XKR9: variants seen among roughly 807,000 people sequenced by gnomAD.
XKR9 encodes the protein XK-related protein 9.
Under a neutral mutation model 32.0 loss-of-function variants are expected in XKR9, and 32 were observed. The ratio of observed to expected loss-of-function variants is 1.00; its 90% CI spans 0.76 to 1.34. The LOEUF (loss-of-function observed/expected upper bound fraction) is 1.34, where lower values mean the gene tolerates loss of function less well. Among genes scored for constraint, XKR9 ranks in the 40% most tolerant of loss-of-function variants. The probability of loss-of-function intolerance (pLI) is 0.00; values close to 1 mark genes in which losing one functional copy is unlikely to be tolerated. For synonymous variants in XKR9, 168 were observed against 143.4 expected, an observed-to-expected ratio of 1.17 and a Z score of -1.22; for missense variants, 546 against 429.7, an observed-to-expected ratio of 1.27 and a Z score of -2.39.
intron 2 of XKR9, among the ~76,000 whole-genome samples, chr8:70,787,791 C>A (rs1807708349): frequency 6.6e-6 from 1 of 151,950 alleles, no homozygotes; most frequent in Non-Finnish European, 1.5e-5. Flanking sequence ...TTTTGACTAG[C>A]ATTATTCAAT....
the XKR9 span, among the ~76,000 whole-genome samples, chr8:71,048,084 C>T: frequency 1.1e-4 from 16 of 152,072 alleles, no homozygotes; most frequent in South Asian, 3.1e-3. Context: ...AGACACATTC[C>T]GTGTGTGAGG....
intron 2 of XKR9, among the ~76,000 whole-genome samples, chr8:70,759,988 A>T (rs1015607498): frequency 6.6e-6 from 1 of 152,186 alleles, no homozygotes; most frequent in Non-Finnish European, 1.5e-5. Context: ...TAGTGTTCTA[A>T]CTTGTCTGTT....
At chr8:70,981,922 G>A in the XKR9 span, among the ~76,000 whole-genome samples, 1 of 152,192 alleles carries the variant, frequency 6.6e-6, no homozygotes, top group Admixed American at 6.5e-5. Flanking sequence ...TCTGGGTCTA[G>A]CCACCCAGTG....
chr8:70,976,503 A>G, the XKR9 span, among the ~76,000 whole-genome samples: 3 of 152,214 alleles, frequency 2.0e-5, no homozygotes, highest in African/African-American at 7.2e-5. Flanking sequence ...GGTTCTGTTC[A>G]TGTGATGGAT....
rs1046907541 is a variant in XKR9 at position 70,789,772 on chromosome 8, A to C, written n.476-309A>C. Among the ~76,000 whole-genome samples the C allele has an allele frequency of 4.6e-5, 7 of 152,072 alleles. No individual in the cohort carries two copies. In the South Asian group the frequency reaches 1.0e-3, roughly 22 times the overall value. On this transcript the variant is annotated intron_variant and non_coding_transcript_variant, in intron 3 of 3. Coordinates refer to the XKR9 transcript ENST00000520273. ...TTTAAAAAGCAAAGTCATCTTGTGG[A>C]ATGTAGGTTCAGGTTTAAGTAATTA... is the stretch of plus-strand genomic sequence containing the variant.
the XKR9 span, among the ~76,000 whole-genome samples, chr8:70,865,117 C>T: frequency 6.6e-6 from 1 of 152,116 alleles, no homozygotes; most frequent in Non-Finnish European, 1.5e-5. Flanking sequence ...ATTGATTACC[C>T]TGGAAAGGGG....
At chr8:70,887,162 C>T in the XKR9 span, among the ~76,000 whole-genome samples, 52 of 152,276 alleles carry the variant, frequency 3.4e-4, no homozygotes, top group African/African-American at 1.2e-3. Flanking sequence ...TTTCTCAGCA[C>T]TATTTGTTAA....
At chr8:70,983,948 G>A in the XKR9 span, among the ~76,000 whole-genome samples, 12 of 152,244 alleles carry the variant, frequency 7.9e-5, no homozygotes, top group South Asian at 2.1e-4. Context: ...ACCATTCAGG[G>A]CCTGAATAAC....
chr8:71,021,603 C>T, the XKR9 span, among the ~76,000 whole-genome samples: 2 of 150,918 alleles, frequency 1.3e-5, no homozygotes, highest in East Asian at 2.0e-4. Context: ...CCCGGGTTCA[C>T]GCCATTCTCC....
intron 3 of XKR9, among the ~76,000 whole-genome samples, chr8:70,686,614 T>C (rs961548581): frequency 1.3e-5 from 2 of 152,098 alleles, no homozygotes; most frequent in Non-Finnish European, 2.9e-5. Flanking sequence ...TGGCTAATTT[T>C]TGTATTTTTC....
chr8:70,904,744 T>G, the XKR9 span, among the ~76,000 whole-genome samples: 2 of 152,206 alleles, frequency 1.3e-5, no homozygotes, highest in Admixed American at 1.3e-4. Flanking sequence ...GGCATGTTTT[T>G]GGAGTGGCTG....
At chr8:70,699,746 G>T (rs1316141329) in intron 3 of XKR9, among the ~76,000 whole-genome samples, 2 of 152,174 alleles carry the variant, frequency 1.3e-5, no homozygotes, top group Non-Finnish European at 2.9e-5. Context: ...CTAGATTGGG[G>T]AAGTTCTCCT....
At chr8:70,814,549 G>A in the XKR9 span, among the ~76,000 whole-genome samples, 1 of 150,416 alleles carries the variant, frequency 6.6e-6, no homozygotes, top group Admixed American at 6.6e-5. Flanking sequence ...ACAAATTACA[G>A]TCTCTTTCTG....
the XKR9 span, among the ~76,000 whole-genome samples, chr8:70,926,111 G>T: frequency 5.3e-5 from 8 of 152,160 alleles, no homozygotes; most frequent in South Asian, 1.7e-3. Context: ...TTTTGCTCTT[G>T]TTGCCTAGGC....
intron 2 of XKR9, among the ~76,000 whole-genome samples, chr8:70,748,976 T>G (rs1321914197): frequency 1.3e-5 from 2 of 152,100 alleles, no homozygotes; most frequent in Admixed American, 6.5e-5. Context: ...ACCATAGGTC[T>G]CCTCTGTGCT....
At chr8:70,695,128 CTTTTTT>C (rs149186256) in intron 3 of XKR9, among the ~76,000 whole-genome samples, 3 of 125,264 alleles carry the variant, frequency 2.4e-5, no homozygotes, top group African/African-American at 3.2e-5. Context: ...CCTTGTTTTT[CTTTTTT>C]TTTTTTTTTT....
chr8:71,003,959 TG>T, the XKR9 span, among the ~76,000 whole-genome samples: 2 of 152,116 alleles, frequency 1.3e-5, no homozygotes, highest in Non-Finnish European at 2.9e-5. Context: ...TATTTAAATG[TG>T]GTTTTGAAGT....
chr8:70,981,774 C>A, the XKR9 span, among the ~76,000 whole-genome samples: 1 of 152,030 alleles, frequency 6.6e-6, no homozygotes, highest in East Asian at 1.9e-4. Flanking sequence ...GTAGACTATG[C>A]CAGAGGGAAG....
intron 4 of XKR9, among the ~76,000 whole-genome samples, chr8:70,709,868 A>G (rs1805850990): frequency 6.6e-6 from 1 of 152,230 alleles, no homozygotes; most frequent in South Asian, 2.1e-4. Flanking sequence ...TAAAATGGCC[A>G]TGCTGTCCAA....
Sources: gnomAD v4.1 joint callset for allele counts (sites outside exome capture counted in the v4.1 genomes callset) on GRCh38, gnomAD v4.1.1 for gene constraint, MANE v1.5 for transcripts, NCBI Gene and HGNC (gene_info 2026-07-23, HGNC 2026-07-21) for gene names.